Variants in NTNG2 observed in about 807,000 individuals in gnomAD.
NTNG2 encodes netrin-G2.
NTNG2 carries 15 observed loss-of-function variants against 47.6 expected under a neutral mutation model. The observed-to-expected ratio is 0.32, with a 90% CI of 0.21 to 0.49. NTNG2 has a LOEUF of 0.49. Among genes scored for constraint, NTNG2 ranks in the 20% least tolerant of loss-of-function variants. The pLI, the probability that NTNG2 is intolerant of heterozygous loss-of-function variation, is 0.99. For missense variants in NTNG2, 578 were observed against 764.6 expected (o/e 0.76, Z 2.88); for synonymous variants, 307 against 324.6 (o/e 0.95, Z 0.58).
chr9:132,231,212 A>C lies in NTNG2; in HGVS notation c.1054+617A>C, dbSNP rs1482224040. ...AGTTCCCCAGGAGGGCGAGGGCGAC[A>C]TGGCGCCCACAGGTTATCAGTAAAT... On this transcript the variant is annotated intron_variant, in intron 5 of 7. Coordinates refer to ENST00000393229, the MANE Select transcript of NTNG2 (RefSeq NM_032536.4). The surrounding 1 kb of genome is among the most constrained non-coding windows in gnomAD (Gnocchi z 4.1). 4 of 427,842 alleles carry C rather than the reference A, an allele frequency of 9.3e-6. No homozygotes were observed. Among genetic ancestry groups the C allele is most frequent in the African/African-American group, 4.1e-5 (2 of 49,026 alleles). The allele number at this position is 427,842 out of a possible 1,614,324, so 26.5% of individuals were successfully genotyped here.
chr9:132,214,996 C>A (rs959024444), intron 3 of NTNG2, among the ~76,000 whole-genome samples: 5 of 151,744 alleles, frequency 3.3e-5, no homozygotes, highest in Admixed American at 1.3e-4. Context: ...CCTGCCTCAG[C>A]CTCCGAAGTA....
chr9:132,204,505 C>T (rs552051762), intron 3 of NTNG2, among the ~76,000 whole-genome samples: 2 of 152,224 alleles, frequency 1.3e-5, no homozygotes, highest in African/African-American at 4.8e-5. Flanking sequence ...CACCCTATTC[C>T]TGTACCCACC....
chr9:132,203,117 G>A (rs931320342), intron 3 of NTNG2, among the ~76,000 whole-genome samples: 1 of 152,140 alleles, frequency 6.6e-6, no homozygotes, highest in Non-Finnish European at 1.5e-5. Flanking sequence ...TAGAAGGAGT[G>A]TGGAAGCATG....
chr9:132,236,619 G>A lies in NTNG2; in HGVS notation c.1055-2485G>A, dbSNP rs1841647702. ...CATGTTTAGAGAGGGTCTGAGGCTC[G>A]GTTCCTAGAAACCTGGAGGACCTGG... On this transcript the variant is annotated intron_variant, in intron 5 of 7. Coordinates refer to ENST00000393229, the MANE Select transcript of NTNG2 (RefSeq NM_032536.4). This position sits in a 1 kb window ranked among gnomAD's most constrained non-coding sequence, Gnocchi z 4.3. Among the ~76,000 whole-genome samples, 2 of 152,332 alleles carry A rather than the reference G, an allele frequency of 1.3e-5. No individual in the cohort carries two copies. The highest frequency in any genetic ancestry group is 3.4e-3 in the Middle Eastern group (1 of 294).
At chr9:132,191,641 GGCTCACTGCAA>G (rs1564401648) in intron 2 of NTNG2, among the ~76,000 whole-genome samples, 2 of 151,858 alleles carry the variant, frequency 1.3e-5, no homozygotes, top group Non-Finnish European at 2.9e-5. Flanking sequence ...GCGCGATCTC[GGCTCACTGCAA>G]GCTCCACCTC....
At chr9:132,167,155 T>C (rs1355935435) in intron 2 of NTNG2, 111 bp downstream of exon 2, 4 of 1,183,974 alleles carry the variant, frequency 3.4e-6, no homozygotes, top group South Asian at 1.4e-5. Flanking sequence ...AGGCTGACTT[T>C]CCTGCCTCTT....
rs1157200412 is a variant in NTNG2, at chr9:132,241,924, G to A, written c.1406G>A (p.Cys469Tyr). Residue 469 changes from cysteine (C) to tyrosine (Y), a missense_variant, in exon 8 of 8, where the codon TGC becomes TAC. Physicochemically the swap from Cys to Tyr is radical, Grantham distance 194. Transcript: ENST00000393229. ...CTGCTGTGCCAGAACGGAGGCACCT[G>A]CCTGCAGAACCAGCGCTGCGCCTGC... Reference protein sequence around the residue: ...DQLLCQNGGTCLQNQRCACPR... With the variant: ...DQLLCQNGGTYLQNQRCACPR... The A allele has an allele frequency of 6.3e-7, 1 of 1,576,690 alleles. No homozygotes were observed. Among genetic ancestry groups the A allele is most frequent in the Admixed American group, 1.7e-5 (1 of 57,802 alleles).
intron 2 of NTNG2, among the ~76,000 whole-genome samples, chr9:132,184,633 G>A (rs1038461203): frequency 3.3e-5 from 5 of 152,224 alleles, no homozygotes; most frequent in African/African-American, 1.2e-4. Context: ...AGTAGAAAAC[G>A]AGGCCAGAAG....
rs186703134 is a variant in NTNG2 at position 132,222,891 on chromosome 9, A to C, written c.858-3958A>C. 2.5e-4 allele frequency among the ~76,000 whole-genome samples: 38 copies of C among 152,284 alleles called. No individual in the cohort carries two copies. The East Asian group carries it at 3.7e-3, about 15-fold the overall frequency. On this transcript the variant is annotated intron_variant, in intron 3 of 7. Coordinates refer to ENST00000393229, the MANE Select transcript of NTNG2 (RefSeq NM_032536.4). The stretch of plus-strand genomic sequence containing the variant: ...GAGGCTGAGGTGGGCAGATTGCTTG[A>C]ACTTCAACCAGGAGTTTGAGACCAG...
At chr9:132,225,140 C>T (rs1229830138) in intron 3 of NTNG2, among the ~76,000 whole-genome samples, 1 of 152,198 alleles carries the variant, frequency 6.6e-6, no homozygotes, top group East Asian at 1.9e-4. Context: ...TGGTCTTGAA[C>T]TCCTGACCTC....
chr9:132,241,134 A>G, intron 7 of NTNG2, 90 bp downstream of exon 7: 1 of 1,084,830 alleles, frequency 9.2e-7, no homozygotes, highest in Non-Finnish European at 1.2e-6. Context: ...GGGACGGGGC[A>G]GGGGCGGTGG....
intron 5 of NTNG2, among the ~76,000 whole-genome samples, chr9:132,235,318 G>A (rs1034680033): frequency 3.3e-5 from 5 of 152,238 alleles, no homozygotes; most frequent in Non-Finnish European, 7.3e-5. Flanking sequence ...GCGGGACCTG[G>A]TCTAGCTCTG....
At position 132,162,359 on chromosome 9, in the gene NTNG2, C is replaced by CT. The variant is rs1331380035; in HGVS notation, c.-484+122dup. 1.3e-5 allele frequency: 2 copies of CT among 152,354 alleles called. No homozygotes were observed. The highest frequency in any genetic ancestry group is 3.9e-4 in the East Asian group (2 of 5,150). 9.4% of individuals were successfully genotyped at this position (152,354 alleles called of 1,614,324 possible). A position where few individuals can be genotyped will look rare whatever the true frequency, so the allele number is the denominator to read the frequency against. On this transcript the variant is annotated intron_variant, in intron 1 of 7. Coordinates refer to ENST00000393229, the MANE Select transcript of NTNG2 (RefSeq NM_032536.4). This position sits in a 1 kb window ranked among gnomAD's most constrained non-coding sequence, Gnocchi z 4.6. ...CAGGCTTGCCCGGGCCCGGGAGCCA[C>CT]TTACAGCGGCCCGGCAAAGGCTCGG... is the stretch of plus-strand genomic sequence containing the variant.
At position 132,205,085 on chromosome 9, in the gene NTNG2, G is replaced by A. The variant is rs573592920; in HGVS notation, c.857+6476G>A. On this transcript the variant is annotated intron_variant, in intron 3 of 7. Coordinates refer to ENST00000393229, the MANE Select transcript of NTNG2 (RefSeq NM_032536.4). ...ATGGTGGCTCCTGAACAAGTTACAT[G>A]TAGATTTAGCAATTCCGCTCCTAGG... Among the ~76,000 whole-genome samples the A allele has an allele frequency of 4.6e-5, 7 of 152,178 alleles. No individual in the cohort carries two copies. The South Asian group carries it at 8.3e-4, about 18-fold the overall frequency.
chr9:132,237,571 C>T lies in NTNG2; in HGVS notation c.1055-1533C>T, dbSNP rs1283576716. 3.3e-5 allele frequency among the ~76,000 whole-genome samples: 5 copies of T among 152,308 alleles called. 1 individual carries two copies. Among genetic ancestry groups the T allele is most frequent in the African/African-American group, 9.6e-5 (4 of 41,568 alleles). On this transcript the variant is annotated intron_variant, in intron 5 of 7. Transcript: ENST00000393229. ...CATCAGCCCTCCCTGACACCTGTTC[C>T]CCATCCGCCGCTGGAAAAAGACGGT...
intron 2 of NTNG2, among the ~76,000 whole-genome samples, chr9:132,168,016 G>A (rs538313445): frequency 3.9e-5 from 6 of 152,344 alleles, no homozygotes; most frequent in East Asian, 1.9e-4. Context: ...TTTAATTAAC[G>A]TAGGTAAAGT....
At chr9:132,171,085 G>A (rs892248658) in intron 2 of NTNG2, among the ~76,000 whole-genome samples, 2 of 152,094 alleles carry the variant, frequency 1.3e-5, no homozygotes, top group Non-Finnish European at 2.9e-5. Flanking sequence ...TCCCAGATGC[G>A]GGCCTTGCTT....
intron 6 of NTNG2, chr9:132,240,620 G>A: frequency 1.9e-6 from 1 of 530,306 alleles, no homozygotes; most frequent in Admixed American, 3.3e-5. Flanking sequence ...GACCCCTCTA[G>A]TTGCCCAGAG....
At chr9:132,219,585 A>G (rs990856327) in intron 3 of NTNG2, among the ~76,000 whole-genome samples, 6 of 146,730 alleles carry the variant, frequency 4.1e-5, no homozygotes, top group South Asian at 2.1e-4. Flanking sequence ...AAAAAAAAAA[A>G]AAAGAAAGAA....
Sources: allele counts gnomAD v4.1 joint callset (sites outside exome capture counted in the v4.1 genomes callset), GRCh38; gene constraint gnomAD v4.1.1; non-coding constraint Gnocchi (gnomAD v3.1); transcripts MANE v1.5; gene names NCBI Gene and HGNC (gene_info 2026-07-23, HGNC 2026-07-21).